TBC1D4: variants seen among roughly 807,000 people sequenced by gnomAD.
The protein encoded by TBC1D4 is TBC (Tre-2, BUB2, CDC16) domain-containing protein.
TBC1D4 carries 121 observed loss-of-function variants against 142.5 expected under a neutral mutation model. The ratio of observed to expected loss-of-function variants is 0.85; its 90% CI spans 0.73 to 0.99. TBC1D4 has a LOEUF of 0.99. Ranked by LOEUF, TBC1D4 falls within the 50% of genes least tolerant of loss-of-function variation. The pLI, the probability that TBC1D4 is intolerant of heterozygous loss-of-function variation, is 0.00. For missense variants in TBC1D4, 1,475 were observed against 1,606.6 expected, an observed-to-expected ratio of 0.92 and a Z score of 1.40; for synonymous variants, 630 against 628.2, an observed-to-expected ratio of 1.00 and a Z score of -0.04.
In TBC1D4 at chr13:75,336,946, C is replaced by A. The variant is rs758864391; in HGVS notation, c.1706G>T (p.Ser569Ile). 1.9e-6 allele frequency: 3 copies of A among 1,613,536 alleles called. No individual in the cohort carries two copies. In the East Asian group the frequency reaches 6.7e-5, roughly 36 times the overall value. ...CCTTGAGAAGATATTTTCCAGGGAG[C>A]TAGTTAAGGATCTCTTAGCTTTATT... is the stretch of plus-strand genomic sequence containing the variant. ...LKNKAKRSLT[S>I]SLENIFSRGA... is the part of the protein sequence containing the mutation. The change falls in exon 8 of 21, where the codon AGC (serine) becomes ATC (isoleucine). Residue 569 changes from serine to isoleucine, a missense_variant. Ser to Ile is a moderately radical substitution (Grantham distance 142). Around this residue, in one of 2 missense-constraint regions of TBC1D4, gnomAD observed 1,227 missense variants for 1,267.7 expected, o/e 0.97. Transcript: ENST00000377636.
intron 5 of TBC1D4, among the ~76,000 whole-genome samples, chr13:75,344,165 A>G (rs1431641199): frequency 6.6e-6 from 1 of 152,172 alleles, no homozygotes; most frequent in African/African-American, 2.4e-5. Context: ...ACAATTTATT[A>G]TTTGCTGGGA....
intron 11 of TBC1D4, among the ~76,000 whole-genome samples, chr13:75,321,180 T>C (rs964718461): frequency 2.0e-5 from 3 of 152,236 alleles, no homozygotes; most frequent in South Asian, 2.1e-4. Context: ...TTATAACTGA[T>C]AGTACTATGA....
intron 7 of TBC1D4, among the ~76,000 whole-genome samples, chr13:75,338,898 C>T (rs1348990398): frequency 6.6e-6 from 1 of 152,198 alleles, no homozygotes; most frequent in African/African-American, 2.4e-5. Flanking sequence ...CAGCAACTCC[C>T]TCTCCCTTCC....
At chr13:75,346,774 A>C (rs1881185656) in intron 5 of TBC1D4, among the ~76,000 whole-genome samples, 1 of 135,696 alleles carries the variant, frequency 7.4e-6, no homozygotes, top group Non-Finnish European at 1.6e-5. Flanking sequence ...GAAAAAAAAA[A>C]TTTATGGCAT....
At chr13:75,478,124 A>C (rs555463979) in intron 1 of TBC1D4, among the ~76,000 whole-genome samples, 1 of 152,226 alleles carries the variant, frequency 6.6e-6, no homozygotes, top group African/African-American at 2.4e-5. Flanking sequence ...TCCCAGCTCT[A>C]AGGTCAAATG....
At chr13:75,422,926 C>T (rs928050070) in intron 1 of TBC1D4, among the ~76,000 whole-genome samples, 2 of 152,096 alleles carry the variant, frequency 1.3e-5, no homozygotes, top group Non-Finnish European at 2.9e-5. Context: ...AAGCCACCAT[C>T]GGTTGACCAA....
At position 75,326,280 on chromosome 13, in the gene TBC1D4, T is replaced by C; in HGVS notation, c.1950A>G (p.Thr650=). ...CATCCTGCAAATTCAGCTTTCTCTT[T>C]GTGCTTGAAGGTGGGTGGCTGAACG... ...AHTFSHPPSS[T]KRKLNLQDGR... Residue 650 remains threonine (T), a synonymous_variant, in exon 10 of 21, where the codon ACA becomes ACG. Transcript: ENST00000377636. 1 of 1,614,096 alleles carries C rather than the reference T, an allele frequency of 6.2e-7. No homozygotes were observed. Among genetic ancestry groups the C allele is most frequent in the Non-Finnish European group, 8.5e-7 (1 of 1,180,014 alleles).
chr13:75,324,908 C>T (rs940173992), intron 10 of TBC1D4, among the ~76,000 whole-genome samples: 8 of 152,128 alleles, frequency 5.3e-5, no homozygotes, highest in Admixed American at 3.9e-4. Context: ...GTGTTCTTTC[C>T]TGAGGACAGT....
At chr13:75,354,333 G>A (rs1022907489) in intron 4 of TBC1D4, among the ~76,000 whole-genome samples, 1 of 152,132 alleles carries the variant, frequency 6.6e-6, no homozygotes, top group African/African-American at 2.4e-5. Context: ...ATGAAGAGAT[G>A]GCAGATTAAG....
chr13:75,422,718 C>T (rs1056481460), intron 1 of TBC1D4, among the ~76,000 whole-genome samples: 1 of 152,012 alleles, frequency 6.6e-6, no homozygotes, highest in Admixed American at 6.6e-5. Flanking sequence ...ATCAATGAAA[C>T]CTTTTTCCTA....
Position 75,294,926 on chromosome 13 carries a change from G to T in TBC1D4, c.3244C>A (p.Leu1082Ile). The change falls in exon 18 of 21, where the codon CTT becomes ATT. Residue 1082 changes from leucine (L) to isoleucine (I), a missense_variant. Physicochemically the swap from Leu to Ile is conservative, Grantham distance 5. Transcript: ENST00000377636. ...GTGAGGAACCAGGGGGCAGCATAAA[G>T]ACTGGGGCTGATTTCATTTTCTTCA... ...HLEENEISPS[L>I]YAAPWFLTLF... 1.2e-6 allele frequency: 2 copies of T among 1,613,990 alleles called. No individual in the cohort carries two copies. The highest frequency in any genetic ancestry group is 1.7e-6 in the Non-Finnish European group (2 of 1,179,918).
intron 1 of TBC1D4, among the ~76,000 whole-genome samples, chr13:75,368,755 G>A (rs186940069): frequency 1.2e-4 from 19 of 152,204 alleles, no homozygotes; most frequent in African/African-American, 4.1e-4. Context: ...TAAAGAGAAT[G>A]AGGCCGGGCG....
At chr13:75,368,959 G>A (rs1044109038) in intron 1 of TBC1D4, among the ~76,000 whole-genome samples, 5 of 152,100 alleles carry the variant, frequency 3.3e-5, no homozygotes, top group Non-Finnish European at 7.4e-5. Flanking sequence ...CAGGAGAACC[G>A]CTTGAGCCTG....
At chr13:75,437,004 AG>A (rs1886827601) in intron 1 of TBC1D4, among the ~76,000 whole-genome samples, 1 of 152,222 alleles carries the variant, frequency 6.6e-6, no homozygotes, top group Non-Finnish European at 1.5e-5. Flanking sequence ...ACCCAAACTG[AG>A]AAATATCCTA....
intron 1 of TBC1D4, among the ~76,000 whole-genome samples, chr13:75,458,297 C>G (rs1387247887): frequency 6.6e-6 from 1 of 152,168 alleles, no homozygotes. Context: ...CAACCACCCC[C>G]AGCCGAACTC....
intron 16 of TBC1D4, among the ~76,000 whole-genome samples, chr13:75,300,859 C>T (rs1876465617): frequency 6.6e-6 from 1 of 152,096 alleles, no homozygotes; most frequent in Admixed American, 6.5e-5. Flanking sequence ...TGTTCAATGT[C>T]CCCACTTAGT....
intron 1 of TBC1D4, among the ~76,000 whole-genome samples, chr13:75,418,244 T>C (rs1209561314): frequency 6.6e-6 from 1 of 152,162 alleles, no homozygotes; most frequent in Admixed American, 6.5e-5. Context: ...TAGCATTGAG[T>C]ATGCCATGGT....
intron 5 of TBC1D4, 133 bp downstream of exon 5, chr13:75,349,037 T>C (rs187566866): frequency 3.7e-6 from 5 of 1,362,644 alleles, no homozygotes; most frequent in East Asian, 2.4e-5. Flanking sequence ...CACATTTGAG[T>C]GGACATGAGA....
At chr13:75,363,589 C>A (rs28880927) in intron 1 of TBC1D4, among the ~76,000 whole-genome samples, 1 of 151,250 alleles carries the variant, frequency 6.6e-6, no homozygotes, top group Admixed American at 6.6e-5. Flanking sequence ...CCTTTCCAGA[C>A]GGATCCAAGG....
Sources: allele counts gnomAD v4.1 joint callset (sites outside exome capture counted in the v4.1 genomes callset), GRCh38; gene constraint gnomAD v4.1.1; regional missense constraint gnomAD v4.1.1; transcripts MANE v1.5; gene names NCBI Gene and HGNC (gene_info 2026-07-23, HGNC 2026-07-21).